The following KIAA0513 variants were observed in gnomAD, a reference collection of about 807,000 sequenced individuals.
The protein encoded by KIAA0513 is KIAA0513, also known as uncharacterized protein KIAA0513.
In KIAA0513, 39 loss-of-function variants were observed where a neutral mutation model predicts 56.5. That is an observed-to-expected ratio of 0.69 (90% confidence interval 0.53 to 0.90). KIAA0513 has a LOEUF of 0.90. KIAA0513 is among the 40% of genes least tolerant of loss of function. The pLI is 0.00. For missense variants in KIAA0513, 591 were observed against 535.2 expected (o/e 1.10, Z -1.03); for synonymous variants, 268 against 215.6 (o/e 1.24, Z -2.13).
chr16:85,062,231 C>T (rs1373884239), intron 1 of KIAA0513, among the ~76,000 whole-genome samples: 3 of 151,946 alleles, frequency 2.0e-5, no homozygotes, highest in Admixed American at 6.6e-5. Flanking sequence ...CACACACACA[C>T]ACACCCCATA....
intron 1 of KIAA0513, among the ~76,000 whole-genome samples, chr16:85,062,565 G>A (rs1337487666): frequency 6.6e-6 from 1 of 152,200 alleles, no homozygotes; most frequent in African/African-American, 2.4e-5. Flanking sequence ...GTGGGCCTCA[G>A]TACCTCCTTG....
chr16:85,042,015 A>G (rs2073110164), intron 1 of KIAA0513, among the ~76,000 whole-genome samples: 1 of 152,146 alleles, frequency 6.6e-6, no homozygotes, highest in African/African-American at 2.4e-5. Context: ...CTGAAGTCTC[A>G]TGTAACCCTG....
At chr16:85,059,011 CTA>C (rs1447953512) in intron 1 of KIAA0513, among the ~76,000 whole-genome samples, 1 of 152,206 alleles carries the variant, frequency 6.6e-6, no homozygotes, top group Admixed American at 6.5e-5. Flanking sequence ...GAGTATAAAT[CTA>C]TGTCTGGACA....
chr16:85,038,094 G>A (rs1294052943), intron 1 of KIAA0513, among the ~76,000 whole-genome samples: 11 of 152,178 alleles, frequency 7.2e-5, no homozygotes, highest in African/African-American at 2.7e-4. Flanking sequence ...TGCTTCCATG[G>A]GCTGGTCCCT....
rs4783124 is a variant in KIAA0513 at position 85,089,542 on chromosome 16, G to C, written c.*1217G>C. The stretch of plus-strand genomic sequence containing the variant: ...CTGCATGCTGGGTCCAGAGCCTTCT[G>C]TTTCACCGTGCGTGGACACTGCTAG... On this transcript the variant is annotated 3_prime_UTR_variant, in exon 13 of 13. Coordinates refer to ENST00000683363, the MANE Select transcript of KIAA0513 (RefSeq NM_001388359.1). The surrounding 1 kb of genome is among the most constrained non-coding windows in gnomAD (Gnocchi z 4.2). 0.098 allele frequency: 15,020 copies of C among 152,556 alleles called. 1,078 individuals are homozygous for C. The highest frequency in any genetic ancestry group is 0.2 in the Admixed American group (3,107 of 15,302). 9.5% of individuals were successfully genotyped at this position (152,556 alleles called of 1,614,324 possible).
rs2073497323 is a variant in KIAA0513 at position 85,067,201 on chromosome 16, G to C, written c.130G>C (p.Glu44Gln). The change falls in exon 2 of 13, where the codon GAG (glutamate) becomes CAG (glutamine). Residue 44 changes from glutamate to glutamine, a missense_variant. Physicochemically the swap from Glu to Gln is conservative, Grantham distance 29 (BLOSUM62 2). Transcript: ENST00000683363. Reference protein sequence around the residue: ...GDGSLGDGASESETTESADSE... With the variant: ...GDGSLGDGASQSETTESADSE... Reference sequence around the variant, plus strand: ...TGGCTCCCTGGGGGACGGTGCATCAGAGAGTGAGACCACTGAGTCTGCGGA... The same window carrying C: ...TGGCTCCCTGGGGGACGGTGCATCACAGAGTGAGACCACTGAGTCTGCGGA... The C allele has an allele frequency of 6.2e-7, 1 of 1,614,198 alleles. No homozygotes were observed. The highest frequency in any genetic ancestry group is 8.5e-7 in the Non-Finnish European group (1 of 1,180,022).
intron 1 of KIAA0513, among the ~76,000 whole-genome samples, chr16:85,053,301 C>A (rs1003081635): frequency 2.0e-5 from 3 of 152,200 alleles, no homozygotes; most frequent in East Asian, 1.9e-4. Flanking sequence ...AAACACCCAG[C>A]GAATGAATGA....
intron 1 of KIAA0513, among the ~76,000 whole-genome samples, chr16:85,057,825 C>G (rs1206441529): frequency 1.3e-5 from 2 of 151,282 alleles, no homozygotes; most frequent in African/African-American, 4.9e-5. Context: ...CTGAGGCTGC[C>G]TCTTTCAAGC....
chr16:85,047,290 G>A (rs1358472785), intron 1 of KIAA0513, among the ~76,000 whole-genome samples: 2 of 152,180 alleles, frequency 1.3e-5, no homozygotes, highest in Admixed American at 6.5e-5. Flanking sequence ...CATATGCCTC[G>A]CTCAGGGCTG....
Position 85,076,065 on chromosome 16 carries a change from G to C in KIAA0513, c.574+151G>C, listed in dbSNP as rs1442299678. 9.4e-6 allele frequency: 6 copies of C among 637,600 alleles called. No individual in the cohort carries two copies. In the African/African-American group the frequency reaches 1.1e-4, roughly 12 times the overall value. The allele number at this position is 637,600 out of a possible 1,614,324, so 39.5% of individuals were successfully genotyped here. On this transcript the variant is annotated intron_variant, in intron 5 of 12. Coordinates refer to ENST00000683363, the MANE Select transcript of KIAA0513 (RefSeq NM_001388359.1). The surrounding 1 kb of genome is among the most constrained non-coding windows in gnomAD (Gnocchi z 4.7). ...GATGTTAGGGAGGAGTGAGACTTCG[G>C]AGAAAACACAGTCCGAATCATGGGG...
chr16:85,045,625 G>T (rs2073160860), intron 1 of KIAA0513, among the ~76,000 whole-genome samples: 1 of 152,160 alleles, frequency 6.6e-6, no homozygotes, highest in African/African-American at 2.4e-5. Flanking sequence ...CAAAGTTCTG[G>T]ATTACAGGCG....
chr16:85,029,667 A>C (rs770748746), intron 1 of KIAA0513, among the ~76,000 whole-genome samples: 3 of 152,218 alleles, frequency 2.0e-5, no homozygotes, highest in African/African-American at 4.8e-5. Flanking sequence ...ATAAAGCAAA[A>C]GTAATCAGGT....
chr16:85,038,718 A>T lies in KIAA0513; in HGVS notation c.-173+10860A>T, dbSNP rs572283469. On this transcript the variant is annotated intron_variant, in intron 1 of 12. Transcript: ENST00000683363. The stretch of plus-strand genomic sequence containing the variant: ...GCCAGACTCAGCCTCAAAAAAAAAA[A>T]AAAAATAATAATAATAATATCTTTG... Among the ~76,000 whole-genome samples, 69 of 150,300 alleles carry T rather than the reference A, an allele frequency of 4.6e-4. 2 individuals carry two copies. The East Asian group carries it at 8.5e-3, about 19-fold the overall frequency.
intron 1 of KIAA0513, among the ~76,000 whole-genome samples, chr16:85,065,815 C>T (rs1567535363): frequency 6.6e-6 from 1 of 152,138 alleles, no homozygotes. Context: ...GAGGAAGGTT[C>T]CCCAGTACCT....
Position 85,081,420 on chromosome 16 carries a change from C to A in KIAA0513, c.980+28C>A. The A allele has an allele frequency of 6.5e-7, 1 of 1,545,438 alleles. No individual in the cohort carries two copies. ...AGGAGCAAAGTGTGGCCCCATTTGG[C>A]CTCAGGAAAAAGGACCAGGGAGTGG... On this transcript the variant is annotated intron_variant, in intron 9 of 12. Coordinates refer to ENST00000683363, the MANE Select transcript of KIAA0513 (RefSeq NM_001388359.1). The surrounding 1 kb of genome is among the most constrained non-coding windows in gnomAD (Gnocchi z 4.4).
chr16:85,070,488 G>A (rs1388962592), intron 2 of KIAA0513, among the ~76,000 whole-genome samples: 1 of 152,140 alleles, frequency 6.6e-6, no homozygotes, highest in Non-Finnish European at 1.5e-5. Context: ...GACCAGCCTG[G>A]CCAACATGAT....
In KIAA0513 at chr16:85,089,766, T is replaced by A. The variant is rs1254986823; in HGVS notation, c.*1441T>A. 6.6e-6 allele frequency: 1 copy of A among 152,160 alleles called. No homozygotes were observed. Among genetic ancestry groups the A allele is most frequent in the Non-Finnish European group, 1.5e-5 (1 of 68,046 alleles). The allele number at this position is 152,160 out of a possible 1,614,324, so 9.4% of individuals were successfully genotyped here. ...GAGAGTCACTTACCCGGCCACTGCT[T>A]GGAAGGTTTCCCTCCGGGGAATGCC... On this transcript the variant is annotated 3_prime_UTR_variant, in exon 13 of 13. Coordinates refer to ENST00000683363, the MANE Select transcript of KIAA0513 (RefSeq NM_001388359.1). This position sits in a 1 kb window ranked among gnomAD's most constrained non-coding sequence, Gnocchi z 4.2.
At chr16:85,030,225 T>G (rs2072944110) in intron 1 of KIAA0513, among the ~76,000 whole-genome samples, 1 of 152,124 alleles carries the variant, frequency 6.6e-6, no homozygotes, top group Non-Finnish European at 1.5e-5. Context: ...AAAGAGCGTC[T>G]TTTGCTTAAG....
chr16:85,092,381 AAG>A lies in KIAA0513; in HGVS notation c.*4060_*4061del, dbSNP rs2073878053. The stretch of plus-strand genomic sequence containing the variant: ...TCCAAGAACAGTGTGGAGCTTGAGA[AAG>A]AGAACTTTAAAAATTAGAGGGTCCC... On this transcript the variant is annotated 3_prime_UTR_variant, in exon 13 of 13. Coordinates refer to ENST00000683363, the MANE Select transcript of KIAA0513 (RefSeq NM_001388359.1). 1 of 152,312 alleles carries A rather than the reference AAG, an allele frequency of 6.6e-6. No individual in the cohort carries two copies. The highest frequency in any genetic ancestry group is 1.5e-5 in the Non-Finnish European group (1 of 68,050). 9.4% of individuals were successfully genotyped at this position (152,312 alleles called of 1,614,324 possible). A position where few individuals can be genotyped will look rare whatever the true frequency, so the allele number is the denominator to read the frequency against.
Sources: allele counts gnomAD v4.1 joint callset (sites outside exome capture counted in the v4.1 genomes callset), GRCh38; gene constraint gnomAD v4.1.1; non-coding constraint Gnocchi (gnomAD v3.1); transcripts MANE v1.5; gene names NCBI Gene and HGNC (gene_info 2026-07-23, HGNC 2026-07-21).